KIF26B: variants seen among roughly 807,000 people sequenced by gnomAD.
KIF26B encodes the protein kinesin family member 26B.
KIF26B carries 63 observed loss-of-function variants against 151.2 expected under a neutral mutation model. That is an observed-to-expected ratio of 0.42 (90% CI 0.34 to 0.51). The LOEUF (loss-of-function observed/expected upper bound fraction) is 0.51, where lower values mean the gene tolerates loss of function less well. Ranked by LOEUF, KIF26B falls within the 20% of genes least tolerant of loss-of-function variation. KIF26B has a pLI of 0.07. For synonymous variants in KIF26B, 1,357 were observed against 1,262.1 expected (o/e 1.08, Z -1.59); for missense variants, 2,813 against 2,913.6 (o/e 0.97, Z 0.79).
At chr1:245,377,284 G>T (rs1388025172) in intron 3 of KIF26B, among the ~76,000 whole-genome samples, 1 of 152,178 alleles carries the variant, frequency 6.6e-6, no homozygotes, top group Non-Finnish European at 1.5e-5. Context: ...TCAAGGTGTC[G>T]GCCGTGCTGT....
Position 245,448,672 on chromosome 1 carries a change from T to C in KIF26B, c.1166+28927T>C, listed in dbSNP as rs1069229. ...AGGACGCCTTGCAGCTCTTTCCACATGGTGTGTTCTGGAAACACTGTCTTA... is the reference window on the plus strand; with the variant it reads ...AGGACGCCTTGCAGCTCTTTCCACACGGTGTGTTCTGGAAACACTGTCTTA... On this transcript the variant is annotated intron_variant, in intron 4 of 14. Coordinates refer to ENST00000407071, the MANE Select transcript of KIF26B (RefSeq NM_018012.4). Among the ~76,000 whole-genome samples the C allele has an allele frequency of 2.4e-3, 364 of 152,344 alleles. 3 individuals are homozygous for C. Among genetic ancestry groups the C allele is most frequent in the African/African-American group, 8.6e-3 (356 of 41,580 alleles).
intron 10 of KIF26B, among the ~76,000 whole-genome samples, chr1:245,677,500 T>C (rs2044371051): frequency 6.6e-6 from 1 of 152,258 alleles, no homozygotes; most frequent in African/African-American, 2.4e-5. Flanking sequence ...GAGCAGCAAG[T>C]ACTTTAACTT....
Position 245,707,991 on chromosome 1 carries a change from T to C in KIF26B, c.*5385T>C, listed in dbSNP as rs1285214260. 1 of 152,164 alleles carries C rather than the reference T, an allele frequency of 6.6e-6. No individual in the cohort carries two copies. The highest frequency in any genetic ancestry group is 2.4e-5 in the African/African-American group (1 of 41,444). The allele number at this position is 152,164 out of a possible 1,614,324, so 9.4% of individuals were successfully genotyped here. On this transcript the variant is annotated 3_prime_UTR_variant, in exon 15 of 15. Transcript: ENST00000407071. ...TTAGCTTGGATATATATAGTACCTG[T>C]TTTTTTCCTCTGGAAAAACCAAAGT...
intron 2 of KIF26B, among the ~76,000 whole-genome samples, chr1:245,258,611 T>G (rs1363119777): frequency 6.6e-6 from 1 of 152,148 alleles, no homozygotes; most frequent in Non-Finnish European, 1.5e-5. Flanking sequence ...CCTTTCCAAA[T>G]TCCACCTGCT....
At chr1:245,344,539 A>C (rs1672406798) in intron 2 of KIF26B, among the ~76,000 whole-genome samples, 1 of 150,346 alleles carries the variant, frequency 6.7e-6, no homozygotes, top group Non-Finnish European at 1.5e-5. Flanking sequence ...TATCCTGTAC[A>C]TGAATGTGGA....
chr1:245,542,632 C>T (rs978902814), intron 5 of KIF26B, among the ~76,000 whole-genome samples: 3 of 152,250 alleles, frequency 2.0e-5, no homozygotes, highest in East Asian at 1.9e-4. Context: ...GGCCGTGGTA[C>T]GCCACAGGGG....
intron 11 of KIF26B, among the ~76,000 whole-genome samples, chr1:245,685,184 C>T (rs1416814769): frequency 6.6e-6 from 1 of 152,264 alleles, no homozygotes; most frequent in Non-Finnish European, 1.5e-5. Context: ...GCAGCTGTTT[C>T]CCCAGCGTGC....
chr1:245,418,764 G>A (rs1487883900), intron 3 of KIF26B, among the ~76,000 whole-genome samples: 1 of 152,106 alleles, frequency 6.6e-6, no homozygotes, highest in East Asian at 1.9e-4. Context: ...GACTCTGCCT[G>A]CATAATTATT....
chr1:245,590,236 C>T (rs1427718746), intron 5 of KIF26B, among the ~76,000 whole-genome samples: 1 of 151,172 alleles, frequency 6.6e-6, no homozygotes, highest in Non-Finnish European at 1.5e-5. Flanking sequence ...GGGCCCCTGG[C>T]CGCACCGTGC....
intron 2 of KIF26B, among the ~76,000 whole-genome samples, chr1:245,195,136 A>G (rs535706515): frequency 6.6e-6 from 1 of 152,168 alleles, no homozygotes; most frequent in Non-Finnish European, 1.5e-5. Flanking sequence ...GAAAGCCACC[A>G]TTGTATTCCT....
At chr1:245,454,741 CAGG>C (rs1659475589) in intron 4 of KIF26B, among the ~76,000 whole-genome samples, 1 of 152,222 alleles carries the variant, frequency 6.6e-6, no homozygotes, top group African/African-American at 2.4e-5. Flanking sequence ...GAGCCACCAG[CAGG>C]AGAAGAGAAG....
intron 3 of KIF26B, among the ~76,000 whole-genome samples, chr1:245,389,412 C>CA (rs533278303): frequency 0.043 from 5,491 of 126,442 alleles, 140 homozygotes; most frequent in South Asian, 0.069. Flanking sequence ...CACTCCTGGC[C>CA]AAAAAAAAAA....
intron 2 of KIF26B, among the ~76,000 whole-genome samples, chr1:245,362,536 C>CAAA (rs36022021): frequency 1.4e-5 from 2 of 140,014 alleles, no homozygotes; most frequent in Non-Finnish European, 3.1e-5. Context: ...GACTCCATCT[C>CAAA]AAAAAAAAAA....
chr1:245,638,172 AT>A (rs1257039464), intron 9 of KIF26B, among the ~76,000 whole-genome samples: 2 of 151,572 alleles, frequency 1.3e-5, no homozygotes, highest in Non-Finnish European at 3.0e-5. Flanking sequence ...AATATCTTTC[AT>A]TGGTGTTTTA....
At chr1:245,658,063 C>T (rs1236424776) in intron 10 of KIF26B, among the ~76,000 whole-genome samples, 1 of 152,192 alleles carries the variant, frequency 6.6e-6, no homozygotes, top group African/African-American at 2.4e-5. Context: ...GGTTTTACCA[C>T]CTAAGTATGT....
chr1:245,331,161 T>G (rs1672101879), intron 2 of KIF26B, among the ~76,000 whole-genome samples: 1 of 151,986 alleles, frequency 6.6e-6, no homozygotes. Context: ...CAGAGCCTGC[T>G]GCGGAGGCAC....
chr1:245,250,080 G>C (rs1558361526), intron 2 of KIF26B, among the ~76,000 whole-genome samples: 3 of 152,224 alleles, frequency 2.0e-5, no homozygotes, highest in Admixed American at 6.5e-5. Context: ...TGCATATTTA[G>C]CATGTTGACA....
chr1:245,155,766 G>A (rs1668418793), intron 1 of KIF26B, among the ~76,000 whole-genome samples: 1 of 152,232 alleles, frequency 6.6e-6, no homozygotes, highest in Non-Finnish European at 1.5e-5. Context: ...TGAAGCCGAA[G>A]GGGAGGGTTT....
At chr1:245,280,648 C>T (rs569161259) in intron 2 of KIF26B, among the ~76,000 whole-genome samples, 54 of 119,562 alleles carry the variant, frequency 4.5e-4, no homozygotes, top group Non-Finnish European at 7.3e-4. Flanking sequence ...TACATGTGCA[C>T]GTTGTGCAGG....
Sources: allele counts gnomAD v4.1 joint callset (sites outside exome capture counted in the v4.1 genomes callset), GRCh38; gene constraint gnomAD v4.1.1; transcripts MANE v1.5; gene names NCBI Gene and HGNC (gene_info 2026-07-23, HGNC 2026-07-21).